The following DCLK1 variants were observed in gnomAD, a reference collection of about 807,000 sequenced individuals.
DCLK1 encodes the protein serine/threonine-protein kinase DCLK1.
DCLK1 carries 16 observed loss-of-function variants against 86.2 expected under a neutral mutation model. The ratio of observed to expected loss-of-function variants is 0.19; its 90% CI spans 0.13 to 0.28. The LOEUF (loss-of-function observed/expected upper bound fraction) is 0.28, where lower values mean the gene tolerates loss of function less well. Among genes scored for constraint, DCLK1 ranks in the 10% least tolerant of loss-of-function variants. The pLI is 1.00. For synonymous variants in DCLK1, 369 were observed against 370.5 expected (o/e 1.00, Z 0.05); for missense variants, 590 against 940.2 (o/e 0.63, Z 4.87).
intron 2 of DCLK1, among the ~76,000 whole-genome samples, chr13:36,117,664 C>T (rs1477336608): frequency 6.6e-6 from 1 of 152,138 alleles, no homozygotes; most frequent in Admixed American, 6.5e-5. Context: ...CTGTGACAAG[C>T]ACACACAACA....
chr13:36,022,650 A>G (rs995358862), intron 3 of DCLK1, among the ~76,000 whole-genome samples: 8 of 152,146 alleles, frequency 5.3e-5, no homozygotes, highest in Admixed American at 3.3e-4. Context: ...TTGTAAATCA[A>G]TAAGTTAGAT....
intron 3 of DCLK1, among the ~76,000 whole-genome samples, chr13:35,998,286 T>C (rs1441215378): frequency 6.6e-6 from 1 of 152,176 alleles, no homozygotes; most frequent in East Asian, 1.9e-4. Context: ...ATAATATCAT[T>C]ATTAAAATAA....
chr13:35,976,127 C>T (rs1434774908), intron 3 of DCLK1, among the ~76,000 whole-genome samples: 2 of 152,142 alleles, frequency 1.3e-5, no homozygotes, highest in Non-Finnish European at 2.9e-5. Flanking sequence ...AAGCCAGCCC[C>T]AAAGGATGAC....
intron 4 of DCLK1, among the ~76,000 whole-genome samples, chr13:35,896,359 T>G (rs1873981227): frequency 6.6e-6 from 1 of 151,772 alleles, no homozygotes; most frequent in South Asian, 2.1e-4. Context: ...ACCAACATGG[T>G]GAAATCCTGT....
chr13:36,050,946 C>T (rs909571387), intron 3 of DCLK1, among the ~76,000 whole-genome samples: 6 of 152,102 alleles, frequency 3.9e-5, no homozygotes, highest in African/African-American at 1.2e-4. Context: ...AAAAGTTAAA[C>T]TTGGCCTGTA....
At chr13:35,866,453 CTTTTT>C (rs34793570) in intron 5 of DCLK1, among the ~76,000 whole-genome samples, 4 of 134,272 alleles carry the variant, frequency 3.0e-5, no homozygotes, top group Non-Finnish European at 3.2e-5. Flanking sequence ...AACAAAGACT[CTTTTT>C]TTTTTTTTTT....
chr13:35,921,490 C>A lies in DCLK1; in HGVS notation c.823+25868G>T, dbSNP rs183670375. Reference sequence around the variant, plus strand: ...AGAGAAGACTTTCCTAAAACCCAAACCTTAGATCCACAATGCATGGTCTCA... The same window carrying A: ...AGAGAAGACTTTCCTAAAACCCAAAACTTAGATCCACAATGCATGGTCTCA... On this transcript the variant is annotated intron_variant, in intron 4 of 16. Transcript: ENST00000360631. Among the ~76,000 whole-genome samples the A allele has an allele frequency of 1.3e-4, 20 of 152,258 alleles. 1 individual carries two copies. Among genetic ancestry groups the A allele is most frequent in the Middle Eastern group, 6.8e-3 (2 of 292 alleles).
At position 35,771,994 on chromosome 13, in the gene DCLK1, T is replaced by C. The variant is rs2086341162; in HGVS notation, c.*2541A>G. Reference sequence around the variant, plus strand: ...ATACACCAATGTAGTCAGCATGCCTTGTGCTTGTCTGTTAACCCTCTGAGT... The same window carrying C: ...ATACACCAATGTAGTCAGCATGCCTCGTGCTTGTCTGTTAACCCTCTGAGT... On this transcript the variant is annotated 3_prime_UTR_variant, in exon 17 of 17. Coordinates refer to ENST00000360631, the MANE Select transcript of DCLK1 (RefSeq NM_001330071.2). 6.6e-6 allele frequency: 1 copy of C among 152,210 alleles called. No individual in the cohort carries two copies. Among genetic ancestry groups the C allele is most frequent in the Admixed American group, 6.5e-5 (1 of 15,280 alleles). 9.4% of individuals were successfully genotyped at this position (152,210 alleles called of 1,614,324 possible). A position where few individuals can be genotyped will look rare whatever the true frequency, so the allele number is the denominator to read the frequency against.
At chr13:36,053,360 A>C (rs1221766950) in intron 3 of DCLK1, among the ~76,000 whole-genome samples, 2 of 152,148 alleles carry the variant, frequency 1.3e-5, no homozygotes, top group Admixed American at 1.3e-4. Flanking sequence ...AGACAAGTCA[A>C]GTAGAACAAG....
At chr13:35,782,775 G>A (rs1248245840) in intron 16 of DCLK1, among the ~76,000 whole-genome samples, 3 of 152,162 alleles carry the variant, frequency 2.0e-5, no homozygotes, top group Admixed American at 2.0e-4. Flanking sequence ...CTGTTCTTGT[G>A]GAATTTGCAT....
At chr13:35,958,536 C>T (rs1878276313) in intron 3 of DCLK1, among the ~76,000 whole-genome samples, 1 of 151,404 alleles carries the variant, frequency 6.6e-6, no homozygotes, top group East Asian at 1.9e-4. Flanking sequence ...GTATAACTAC[C>T]AATACCACCA....
At chr13:35,846,301 A>G (rs920580618) in intron 6 of DCLK1, 19 of 985,170 alleles carry the variant, frequency 1.9e-5, no homozygotes, top group Non-Finnish European at 2.2e-5. Context: ...AAATAAACTC[A>G]ATTCCTTGCT....
chr13:35,807,605 A>C (rs1264929727), intron 14 of DCLK1, among the ~76,000 whole-genome samples: 2 of 152,252 alleles, frequency 1.3e-5, no homozygotes, highest in Non-Finnish European at 2.9e-5. Context: ...CAATGGACAA[A>C]ATAGATAAAA....
At chr13:36,087,865 G>C (rs1271135781) in intron 3 of DCLK1, among the ~76,000 whole-genome samples, 1 of 152,212 alleles carries the variant, frequency 6.6e-6, no homozygotes, top group Non-Finnish European at 1.5e-5. Flanking sequence ...AGGCAGGGAA[G>C]GTGGTCAGAG....
chr13:36,006,290 C>T (rs552317471), intron 3 of DCLK1, among the ~76,000 whole-genome samples: 1 of 152,180 alleles, frequency 6.6e-6, no homozygotes, highest in Non-Finnish European at 1.5e-5. Context: ...TACCAAGGAG[C>T]TGGGAGACCC....
intron 3 of DCLK1, among the ~76,000 whole-genome samples, chr13:36,031,600 T>C (rs540901014): frequency 1.2e-4 from 18 of 152,304 alleles, no homozygotes; most frequent in African/African-American, 3.8e-4. Flanking sequence ...GGTTCCTTAT[T>C]CTTATTAGAT....
At chr13:36,058,493 G>A (rs553720668) in intron 3 of DCLK1, among the ~76,000 whole-genome samples, 14 of 152,188 alleles carry the variant, frequency 9.2e-5, no homozygotes, top group Middle Eastern at 3.2e-3. Context: ...TAAGTCTGGA[G>A]TAAGGCACTT....
At chr13:35,849,601 A>G (rs1295448349) in intron 6 of DCLK1, 1 of 977,566 alleles carries the variant, frequency 1.0e-6, no homozygotes, top group African/African-American at 1.8e-5. Flanking sequence ...AGCAAAGACG[A>G]CTATAATTTT....
intron 3 of DCLK1, among the ~76,000 whole-genome samples, chr13:36,090,013 AAT>A (rs1555361469): frequency 6.6e-6 from 1 of 152,220 alleles, no homozygotes; most frequent in Non-Finnish European, 1.5e-5. Context: ...GCATTAGGTT[AAT>A]AACCTAGCAC....
Sources: allele counts gnomAD v4.1 joint callset (sites outside exome capture counted in the v4.1 genomes callset), GRCh38; gene constraint gnomAD v4.1.1; transcripts MANE v1.5; gene names NCBI Gene and HGNC (gene_info 2026-07-23, HGNC 2026-07-21).